The following STK32B variants were observed in gnomAD, a reference collection of about 807,000 sequenced individuals.
STK32B encodes serine/threonine-protein kinase 32B.
A neutral mutation model predicts 52.6 loss-of-function variants in STK32B; 43 were observed. That is an observed-to-expected ratio of 0.82 (90% confidence interval 0.64 to 1.05). The LOEUF is 1.05. STK32B is among the 50% of genes least tolerant of loss of function. STK32B has a pLI of 0.00. For synonymous variants in STK32B, 238 were observed against 204.3 expected, an observed-to-expected ratio of 1.17 and a Z score of -1.41; for missense variants, 621 against 534.6, an observed-to-expected ratio of 1.16 and a Z score of -1.59.
At chr4:5,381,477 C>G (rs1438540498) in intron 4 of STK32B, among the ~76,000 whole-genome samples, 2 of 152,222 alleles carry the variant, frequency 1.3e-5, no homozygotes, top group Non-Finnish European at 2.9e-5. Context: ...ACAATCCCCA[C>G]AGCCCCAAGG....
chr4:5,226,411 G>A (rs894936702), intron 3 of STK32B, among the ~76,000 whole-genome samples: 2 of 152,066 alleles, frequency 1.3e-5, no homozygotes, highest in African/African-American at 4.8e-5. Context: ...AGTCAACCAT[G>A]GTCCAAAAAC....
At chr4:5,319,207 A>G (rs6846201) in intron 3 of STK32B, among the ~76,000 whole-genome samples, 17,968 of 152,164 alleles carry the variant, frequency 0.12, 2,705 homozygotes, top group African/African-American at 0.36. Context: ...GGACGTAAAC[A>G]CCACAATAAT....
intron 3 of STK32B, among the ~76,000 whole-genome samples, chr4:5,247,614 A>C (rs1316305555): frequency 1.3e-5 from 2 of 152,224 alleles, no homozygotes; most frequent in Admixed American, 1.3e-4. Context: ...CTGTGTGATG[A>C]ACCCTGTACC....
intron 3 of STK32B, among the ~76,000 whole-genome samples, chr4:5,227,044 G>A (rs753256944): frequency 6.6e-6 from 1 of 152,064 alleles, no homozygotes; most frequent in African/African-American, 2.4e-5. Flanking sequence ...TCTTATATCT[G>A]CTTCATCATG....
Position 5,420,333 on chromosome 4 carries a change from C to T in STK32B, c.562+3399C>T, listed in dbSNP as rs188226042. 9.2e-4 allele frequency among the ~76,000 whole-genome samples: 140 copies of T among 152,208 alleles called. 1 individual carries two copies. Among genetic ancestry groups the T allele is most frequent in the African/African-American group, 3.3e-3 (135 of 41,536 alleles). ...ACTCCAACAAGGCTTTTTTTGTTGA[C>T]GACCTTTCTGAGATCGCTTTCTGGA... On this transcript the variant is annotated intron_variant, in intron 6 of 11. Coordinates refer to ENST00000282908, the MANE Select transcript of STK32B (RefSeq NM_018401.3).
intron 3 of STK32B, among the ~76,000 whole-genome samples, chr4:5,253,118 TG>T (rs1726055067): frequency 6.6e-6 from 1 of 152,106 alleles, no homozygotes; most frequent in African/African-American, 2.4e-5. Context: ...TTTCCAATGC[TG>T]TCTTCAGGAA....
chr4:5,480,974 G>C (rs1244501281), intron 11 of STK32B, among the ~76,000 whole-genome samples: 1 of 152,046 alleles, frequency 6.6e-6, no homozygotes, highest in Non-Finnish European at 1.5e-5. Context: ...CTTTAATCCA[G>C]TCTATCATTG....
In STK32B at chr4:5,499,779, C is replaced by T. The variant is rs1720590166; in HGVS notation, c.*696C>T. On this transcript the variant is annotated 3_prime_UTR_variant, in exon 12 of 12. Transcript: ENST00000282908. ...TAGTTTCAGCAGTCCTCACCACCAC[C>T]ATATCCCCAGTGCTGGGATGGCACA... is the stretch of plus-strand genomic sequence containing the variant. The T allele has an allele frequency of 6.6e-6, 1 of 152,354 alleles. No homozygotes were observed. The highest frequency in any genetic ancestry group is 2.1e-4 in the South Asian group (1 of 4,832). 9.4% of individuals were successfully genotyped at this position (152,354 alleles called of 1,614,324 possible).
chr4:5,279,630 T>C (rs909530550), intron 3 of STK32B, among the ~76,000 whole-genome samples: 10 of 152,300 alleles, frequency 6.6e-5, no homozygotes, highest in Non-Finnish European at 1.3e-4. Context: ...GGACTCTGTA[T>C]TGGAGCTCCA....
intron 1 of STK32B, among the ~76,000 whole-genome samples, chr4:5,097,506 T>TA (rs1183236775): frequency 6.6e-6 from 1 of 152,218 alleles, no homozygotes; most frequent in Non-Finnish European, 1.5e-5. Context: ...TGGCAGATTT[T>TA]AGTGTCTTAC....
chr4:5,233,555 G>T (rs1333038533), intron 3 of STK32B, among the ~76,000 whole-genome samples: 2 of 151,980 alleles, frequency 1.3e-5, no homozygotes, highest in African/African-American at 4.8e-5. Flanking sequence ...GAGCTGTGAA[G>T]AGTTCAAATT....
chr4:5,350,277 T>A (rs189818663), intron 4 of STK32B, among the ~76,000 whole-genome samples: 4 of 152,100 alleles, frequency 2.6e-5, no homozygotes, highest in African/African-American at 7.2e-5. Flanking sequence ...CAGAAAAAAA[T>A]ATTTAAAACT....
rs547834751 is a variant in STK32B at position 5,081,660 on chromosome 4, C to G, written c.52+29745C>G. Among the ~76,000 whole-genome samples, 6 of 152,106 alleles carry G rather than the reference C, an allele frequency of 3.9e-5. No homozygotes were observed. In the South Asian group the frequency reaches 1.2e-3, roughly 32 times the overall value. On this transcript the variant is annotated intron_variant, in intron 1 of 11. Coordinates refer to ENST00000282908, the MANE Select transcript of STK32B (RefSeq NM_018401.3). ...TCTTTATTCTTCTTGATCAAGTTAG[C>G]TGTTGCTGTTGTCTGTTGTGTTTTT... is the stretch of plus-strand genomic sequence containing the variant.
At chr4:5,452,346 A>G (rs1383851544) in intron 7 of STK32B, among the ~76,000 whole-genome samples, 1 of 152,018 alleles carries the variant, frequency 6.6e-6, no homozygotes, top group Admixed American at 6.6e-5. Flanking sequence ...CTGGATGTAC[A>G]AGGCGTGGGT....
At chr4:5,059,044 C>A (rs1037271541) in intron 1 of STK32B, among the ~76,000 whole-genome samples, 42 of 115,222 alleles carry the variant, frequency 3.6e-4, no homozygotes, top group African/African-American at 1.0e-3. Context: ...AGCCACCACG[C>A]CCAGCTGCTT....
intron 2 of STK32B, among the ~76,000 whole-genome samples, chr4:5,150,316 G>T (rs1189732839): frequency 2.0e-5 from 3 of 151,758 alleles, no homozygotes; most frequent in Non-Finnish European, 4.4e-5. Flanking sequence ...CTGCTTTATT[G>T]TCCTTATGCT....
intron 4 of STK32B, among the ~76,000 whole-genome samples, chr4:5,361,088 G>T (rs1288225144): frequency 2.0e-5 from 3 of 152,162 alleles, no homozygotes; most frequent in African/African-American, 4.8e-5. Context: ...TCGTCCTTTT[G>T]TGACTGGCTT....
chr4:5,317,214 CATATATATATT>C (rs1560313273), intron 3 of STK32B, among the ~76,000 whole-genome samples: 1 of 40,652 alleles, frequency 2.5e-5, no homozygotes, highest in Non-Finnish European at 3.5e-5. Flanking sequence ...ATATATATAA[CATATATATATT>C]ATATATAACA....
chr4:5,349,203 GT>G (rs1733669353), intron 4 of STK32B, among the ~76,000 whole-genome samples: 1 of 152,098 alleles, frequency 6.6e-6, no homozygotes, highest in South Asian at 2.1e-4. Flanking sequence ...AATAAAGCCA[GT>G]GCCAGTATAT....
Sources: allele counts gnomAD v4.1 joint callset (sites outside exome capture counted in the v4.1 genomes callset), GRCh38; gene constraint gnomAD v4.1.1; transcripts MANE v1.5; gene names NCBI Gene and HGNC (gene_info 2026-07-23, HGNC 2026-07-21).